The following CYSLTR1 variants were observed in gnomAD, a reference collection of about 807,000 sequenced individuals.
CYSLTR1 encodes G-protein coupled receptor HG55.
A neutral mutation model predicts 2.1 loss-of-function variants in CYSLTR1; 1 was observed. The observed-to-expected ratio is 0.48, with a 90% CI of 0.17 to 2.28. The LOEUF is 2.28. Ranked by LOEUF, CYSLTR1 falls within the 30% of genes most tolerant of loss-of-function variation. The probability of loss-of-function intolerance (pLI) is 0.26; values close to 1 mark genes in which losing one functional copy is unlikely to be tolerated. For missense variants in CYSLTR1, 299 were observed against 250.1 expected (o/e 1.20, Z -1.32); for synonymous variants, 110 against 89.6 (o/e 1.23, Z -1.28).
intron 1 of CYSLTR1, among the ~76,000 whole-genome samples, chrX:78,317,082 G>A (rs760151056): frequency 4.5e-5 from 5 of 111,989 alleles, no homozygotes; most frequent in Non-Finnish European, 7.5e-5. Flanking sequence ...TGCAAACTAT[G>A]CATCTGACAA....
At chrX:78,301,809 C>A (rs1246317789) in intron 1 of CYSLTR1, among the ~76,000 whole-genome samples, 2 of 111,752 alleles carry the variant, frequency 1.8e-5, no homozygotes, top group Non-Finnish European at 3.8e-5. Flanking sequence ...TGTTTTCATG[C>A]TGCTGATAAA....
intron 1 of CYSLTR1, among the ~76,000 whole-genome samples, chrX:78,299,574 G>C (rs1373400516): frequency 9.1e-6 from 1 of 110,264 alleles, no homozygotes; most frequent in Admixed American, 9.7e-5. Context: ...TTTTATGGTA[G>C]AATTTTTCTC....
chrX:78,284,131 T>G (rs998786043), intron 1 of CYSLTR1, among the ~76,000 whole-genome samples: 2 of 112,064 alleles, frequency 1.8e-5, no homozygotes, highest in Admixed American at 1.9e-4. Context: ...TGTAGTTAAC[T>G]TTTCATAAGC....
At chrX:78,292,102 A>G (rs1922363317) in intron 1 of CYSLTR1, among the ~76,000 whole-genome samples, 1 of 111,945 alleles carries the variant, frequency 8.9e-6, no homozygotes, top group African/African-American at 3.3e-5. Context: ...CTTTGTGAAC[A>G]TTTAGTGCTA....
At chrX:78,326,313 TA>T (rs1324285179) in intron 1 of CYSLTR1, among the ~76,000 whole-genome samples, 1 of 112,519 alleles carries the variant, frequency 8.9e-6, no homozygotes, top group Non-Finnish European at 1.9e-5. Context: ...TTAAATGTAA[TA>T]CAGTCCTTTG....
intron 1 of CYSLTR1, among the ~76,000 whole-genome samples, chrX:78,300,311 C>A (rs903415827): frequency 1.9e-4 from 18 of 94,741 alleles, no homozygotes; most frequent in Non-Finnish European, 3.1e-4. Flanking sequence ...TTATTTAGTT[C>A]ATTTGGCAAG....
At chrX:78,290,672 A>G (rs748610447) in intron 1 of CYSLTR1, among the ~76,000 whole-genome samples, 86 of 111,631 alleles carry the variant, frequency 7.7e-4, no homozygotes, top group Non-Finnish European at 1.4e-3. Context: ...GGTCCTTCAC[A>G]TCCCTTGTAA....
intron 1 of CYSLTR1, among the ~76,000 whole-genome samples, chrX:78,290,464 T>C (rs1280984043): frequency 2.7e-5 from 3 of 112,011 alleles, no homozygotes; most frequent in Non-Finnish European, 3.8e-5. Flanking sequence ...TGGTTCCATA[T>C]GAACTTTAAA....
intron 1 of CYSLTR1, among the ~76,000 whole-genome samples, chrX:78,294,309 G>A (rs1922482899): frequency 8.9e-6 from 1 of 112,547 alleles, no homozygotes; most frequent in African/African-American, 3.2e-5. Flanking sequence ...AGCAAATATT[G>A]CAGAACAGCA....
chrX:78,272,750 C>A lies in CYSLTR1; in HGVS notation c.997G>T (p.Glu333Ter). Residue 333 changes from glutamate to a stop codon, truncating the protein, a stop_gained, in exon 3 of 3, where the codon GAA becomes TAA. Coordinates refer to ENST00000373304, the MANE Select transcript of CYSLTR1 (RefSeq NM_006639.4). LOFTEE classifies it high-confidence loss of function. ...GGTTTAAACTATACTTTACATATTT[C>A]TTCTCCTTTTTCTGGCAAAGAGGCC... ...KKASLPEKGE[E>*]ICKV 2 of 1,197,161 alleles carry A rather than the reference C, an allele frequency of 1.7e-6. No individual in the cohort carries two copies. Among genetic ancestry groups the A allele is most frequent in the Non-Finnish European group, 2.3e-6 (2 of 888,880 alleles).
intron 2 of CYSLTR1, among the ~76,000 whole-genome samples, chrX:78,281,887 G>A (rs1041230151): frequency 9.0e-6 from 1 of 111,390 alleles, no homozygotes; most frequent in Non-Finnish European, 1.9e-5. Flanking sequence ...TTTCAATTAT[G>A]ACATGTCTTC....
intron 1 of CYSLTR1, among the ~76,000 whole-genome samples, chrX:78,299,240 A>G (rs1235747792): frequency 8.9e-6 from 1 of 111,829 alleles, no homozygotes; most frequent in African/African-American, 3.2e-5. Context: ...ATTGTACAAA[A>G]TATGTCTTGA....
chrX:78,301,088 C>G (rs1429662584), intron 1 of CYSLTR1, among the ~76,000 whole-genome samples: 2 of 112,430 alleles, frequency 1.8e-5, no homozygotes, highest in African/African-American at 6.4e-5. Flanking sequence ...CACAAAGTCT[C>G]TAGGCTTCAC....
chrX:78,272,836 T>A lies in CYSLTR1; in HGVS notation c.911A>T (p.Lys304Ile). 8.3e-7 allele frequency: 1 copy of A among 1,211,203 alleles called. No individual in the cohort carries two copies. Among genetic ancestry groups the A allele is most frequent in the South Asian group, 1.8e-5 (1 of 56,957 alleles). The change falls in exon 3 of 3, where the codon AAA becomes ATA. Residue 304 changes from lysine (K) to isoleucine (I), a missense_variant. Coordinates refer to ENST00000373304, the MANE Select transcript of CYSLTR1 (RefSeq NM_006639.4). ...LYFFSGGNFR[K>I]RLSTFRKHSL... ...ATGCTTTCTGAATGTAGACAGCCTTTTCCTAAAGTTACCCCCAGAAAAGAA... is the reference window on the plus strand; with the variant it reads ...ATGCTTTCTGAATGTAGACAGCCTTATCCTAAAGTTACCCCCAGAAAAGAA...
At chrX:78,307,415 T>C (rs1044900557) in intron 1 of CYSLTR1, among the ~76,000 whole-genome samples, 6 of 111,784 alleles carry the variant, frequency 5.4e-5, no homozygotes, top group Admixed American at 4.8e-4. Context: ...ACAACATTGC[T>C]GTTTGTTTTC....
chrX:78,304,990 T>C (rs1027979097), intron 1 of CYSLTR1, among the ~76,000 whole-genome samples: 25 of 111,879 alleles, frequency 2.2e-4, no homozygotes, highest in Non-Finnish European at 3.2e-4. Context: ...CATCTTGTTA[T>C]TGGGCCAGGA....
At chrX:78,282,990 T>G (rs1371586713) in intron 2 of CYSLTR1, among the ~76,000 whole-genome samples, 2 of 112,481 alleles carry the variant, frequency 1.8e-5, no homozygotes, top group Non-Finnish European at 3.8e-5. Flanking sequence ...CAACAATTTG[T>G]ATTAAGCCAT....
chrX:78,302,398 C>A (rs1449950191), intron 1 of CYSLTR1, among the ~76,000 whole-genome samples: 1 of 111,504 alleles, frequency 9.0e-6, no homozygotes, highest in Non-Finnish European at 1.9e-5. Flanking sequence ...CACATTGGGG[C>A]CCTACATTTT....
At position 78,272,334 on chromosome X, in the gene CYSLTR1, G is replaced by T. The variant is rs370223165; in HGVS notation, c.*399C>A. 8.7e-6 allele frequency: 1 copy of T among 114,664 alleles called. No individual in the cohort carries two copies. Among genetic ancestry groups the T allele is most frequent in the African/African-American group, 3.2e-5 (1 of 30,999 alleles). 9.4% of individuals were successfully genotyped at this position (114,664 alleles called of 1,213,427 possible). A position where few individuals can be genotyped will look rare whatever the true frequency, so the allele number is the denominator to read the frequency against. On this transcript the variant is annotated 3_prime_UTR_variant, in exon 3 of 3. Transcript: ENST00000373304. Reference sequence around the variant, plus strand: ...ATGTTAGAATGATTCAGAACTATTTGCCAATTTTATATCTAGTTTTATATT... The same window carrying T: ...ATGTTAGAATGATTCAGAACTATTTTCCAATTTTATATCTAGTTTTATATT...
Sources: allele counts gnomAD v4.1 joint callset (sites outside exome capture counted in the v4.1 genomes callset), GRCh38; gene constraint gnomAD v4.1.1; transcripts MANE v1.5; gene names NCBI Gene and HGNC (gene_info 2026-07-23, HGNC 2026-07-21).